LRIG1: variants seen among roughly 807,000 people sequenced by gnomAD.
LRIG1 encodes the protein leucine rich repeats and immunoglobulin like domains 1.
LRIG1 carries 48 observed loss-of-function variants against 99.2 expected under a neutral mutation model. The observed-to-expected ratio is 0.48, with a 90% confidence interval of 0.38 to 0.62. The LOEUF (loss-of-function observed/expected upper bound fraction) is 0.62, where lower values mean the gene tolerates loss of function less well. Among genes scored for constraint, LRIG1 ranks in the 20% least tolerant of loss-of-function variants. LRIG1 has a pLI of 0.00. For synonymous variants in LRIG1, 772 were observed against 596.1 expected (o/e 1.29, Z -4.30); for missense variants, 1,646 against 1,434.4 (o/e 1.15, Z -2.38).
In LRIG1 at chr3:66,438,026, T is replaced by C. The variant is rs533605990; in HGVS notation, c.365+13533A>G. Among the ~76,000 whole-genome samples the C allele has an allele frequency of 2.0e-5, 3 of 152,312 alleles. No individual in the cohort carries two copies. The East Asian group carries it at 5.8e-4, about 29-fold the overall frequency. On this transcript the variant is annotated intron_variant, in intron 3 of 18. Coordinates refer to ENST00000273261, the MANE Select transcript of LRIG1 (RefSeq NM_015541.3). The stretch of plus-strand genomic sequence containing the variant: ...AAGCCACGAAGGGACCCTTCATTCA[T>C]GTCTTCGTCAAATATTGATGAAGGT...
chr3:66,410,905 C>T (rs755285525), intron 6 of LRIG1, among the ~76,000 whole-genome samples: 8 of 152,226 alleles, frequency 5.3e-5, no homozygotes, highest in Non-Finnish European at 1.2e-4. Flanking sequence ...CCTGGGTCTG[C>T]CTACCAAAGG....
At chr3:66,387,831 C>G (rs911311370) in intron 12 of LRIG1, 1 of 151,814 alleles carries the variant, frequency 6.6e-6, no homozygotes, top group African/African-American at 2.4e-5. Flanking sequence ...GGTGGGGTGG[C>G]TCACGCCTAT....
chr3:66,398,974 G>A lies in LRIG1; in HGVS notation c.1228C>T (p.His410Tyr), dbSNP rs1701956275. 3.7e-6 allele frequency: 6 copies of A among 1,614,032 alleles called. No individual in the cohort carries two copies. Among genetic ancestry groups the A allele is most frequent in the Non-Finnish European group, 5.1e-6 (6 of 1,179,860 alleles). ...RAFSGLEGLE[H>Y]LNLGGNAIRS... ...CAGGGCTGGTGAGATACTCACAGGT[G>A]CTCCAGGCCTTCCAGCCCCGAGAAT... The change falls in exon 10 of 19, where the codon CAC becomes TAC. Residue 410 changes from histidine (H) to tyrosine (Y), a missense_variant. Physicochemically the swap from His to Tyr is moderately conservative, Grantham distance 83. Transcript: ENST00000273261.
At chr3:66,406,653 A>C (rs781145575) in intron 8 of LRIG1, among the ~76,000 whole-genome samples, 3 of 152,224 alleles carry the variant, frequency 2.0e-5, no homozygotes, top group Non-Finnish European at 4.4e-5. Flanking sequence ...TTATGCTGAC[A>C]GCTGCTTGGA....
chr3:66,436,454 T>C (rs1027354140), intron 3 of LRIG1, among the ~76,000 whole-genome samples: 21 of 152,322 alleles, frequency 1.4e-4, no homozygotes, highest in African/African-American at 4.6e-4. Context: ...CTTTGGCATT[T>C]GCTAAACTTA....
At position 66,381,503 on chromosome 3, in the gene LRIG1, C is replaced by T. The variant is rs1230517678; in HGVS notation, c.2746G>A (p.Gly916Arg). The T allele has an allele frequency of 5.6e-6, 9 of 1,613,780 alleles. No individual in the cohort carries two copies. The Admixed American group carries it at 1.3e-4, about 24-fold the overall frequency. The change falls in exon 17 of 19, where the codon GGG becomes AGG. Residue 916 changes from glycine (G) to arginine (R), a missense_variant. Gly to Arg is a moderately radical substitution (Grantham distance 125). Transcript: ENST00000273261. ...EPWKAMEKAE[G>R]TPGPHKMEHG... ...CCCATCTTATGTGGCCCAGGTGTCC[C>T]TTCAGCTTTCTCCATCGCTTTCCAC... is the stretch of plus-strand genomic sequence containing the variant.
rs762925882 is a variant in LRIG1, at chr3:66,500,373, G to A, written c.35C>T (p.Pro12Leu). 28 of 1,477,656 alleles carry A rather than the reference G, an allele frequency of 1.9e-5. No individual in the cohort carries two copies. The highest frequency in any genetic ancestry group is 2.4e-5 in the Non-Finnish European group (27 of 1,119,916). 91.5% of individuals were successfully genotyped at this position (1,477,656 alleles called of 1,614,324 possible). A position where few individuals can be genotyped will look rare whatever the true frequency, so the allele number is the denominator to read the frequency against. ...AAGGAGAAGGCAAGGCGAGCGGCGCGGGGCCCCGAGCCCTCCCCGGACCGG... is the reference window on the plus strand; with the variant it reads ...AAGGAGAAGGCAAGGCGAGCGGCGCAGGGCCCCGAGCCCTCCCCGGACCGG... ...ARPVRGGLGA[P>L]RRSPCLLLLW... The change falls in exon 1 of 19, where the codon CCG (proline) becomes CTG (leucine). Residue 12 changes from proline to leucine, a missense_variant. Transcript: ENST00000273261.
At chr3:66,390,360 G>C (rs563054398) in intron 12 of LRIG1, among the ~76,000 whole-genome samples, 2 of 152,196 alleles carry the variant, frequency 1.3e-5, no homozygotes, top group East Asian at 1.9e-4. Flanking sequence ...TGAAATTAAG[G>C]ATTTCATTTA....
chr3:66,405,114 G>C, intron 9 of LRIG1, 84 bp downstream of exon 9: 1 of 1,219,058 alleles, frequency 8.2e-7, no homozygotes. Context: ...AGAGCAGAGA[G>C]GCGCGGGGGG....
At chr3:66,401,738 C>A (rs1001766520) in intron 9 of LRIG1, 1 of 1,244,742 alleles carries the variant, frequency 8.0e-7, no homozygotes, top group Non-Finnish European at 1.1e-6. Flanking sequence ...TATTTCTGTA[C>A]CACAGCCGGG....
intron 9 of LRIG1, among the ~76,000 whole-genome samples, chr3:66,400,832 G>A (rs1026519580): frequency 3.9e-5 from 6 of 152,176 alleles, no homozygotes. Context: ...GACTGCAACA[G>A]GCCTCCTGGG....
intron 9 of LRIG1, chr3:66,404,119 T>C: frequency 1.1e-5 from 6 of 555,538 alleles, no homozygotes; most frequent in South Asian, 9.7e-5. Flanking sequence ...AAGTACCTTC[T>C]TCAGACAGCC....
chr3:66,392,915 A>G (rs574178618), intron 12 of LRIG1, among the ~76,000 whole-genome samples: 10 of 152,352 alleles, frequency 6.6e-5, no homozygotes, highest in Non-Finnish European at 2.9e-5. Flanking sequence ...TTCCACACAG[A>G]AGGCTCCATA....
chr3:66,392,602 A>AG lies in LRIG1; in HGVS notation c.1468+1437dup, dbSNP rs566542262. 6.6e-3 allele frequency among the ~76,000 whole-genome samples: 890 copies of AG among 135,358 alleles called. 1 individual carries two copies. The highest frequency in any genetic ancestry group is 0.015 in the Middle Eastern group (4 of 266). 88.8% of individuals were successfully genotyped at this position (135,358 alleles called of 152,430 possible). On this transcript the variant is annotated intron_variant, in intron 12 of 18. Coordinates refer to ENST00000273261, the MANE Select transcript of LRIG1 (RefSeq NM_015541.3). ...TCCCATTAACACCTGACGTTTTTAG[A>AG]GGGGGGGAAGCTTGAGCTAAAATGT...
At chr3:66,469,331 C>T (rs912066750) in intron 1 of LRIG1, 10 of 152,130 alleles carry the variant, frequency 6.6e-5, no homozygotes, top group African/African-American at 2.4e-4. Flanking sequence ...CAGTTATTTC[C>T]ATTTCTGAAA....
intron 11 of LRIG1, among the ~76,000 whole-genome samples, chr3:66,395,404 A>G (rs1457660893): frequency 6.6e-6 from 1 of 152,228 alleles, no homozygotes; most frequent in African/African-American, 2.4e-5. Flanking sequence ...ACAGCAAGGA[A>G]GAATGAAGTG....
chr3:66,470,166 A>G (rs78436889), intron 1 of LRIG1, among the ~76,000 whole-genome samples: 18 of 152,272 alleles, frequency 1.2e-4, no homozygotes, highest in Non-Finnish European at 2.5e-4. Flanking sequence ...AACTACATGC[A>G]TTTACCAAGC....
At chr3:66,472,703 T>C (rs923227795) in intron 1 of LRIG1, among the ~76,000 whole-genome samples, 1 of 152,188 alleles carries the variant, frequency 6.6e-6, no homozygotes, top group Non-Finnish European at 1.5e-5. Flanking sequence ...GAAAATTCTA[T>C]AGCAGTGACT....
intron 1 of LRIG1, among the ~76,000 whole-genome samples, chr3:66,479,727 C>A (rs1700804592): frequency 6.6e-6 from 1 of 152,178 alleles, no homozygotes; most frequent in Admixed American, 6.5e-5. Flanking sequence ...AAATGCAAAT[C>A]AAAACCACAA....
Sources: allele counts gnomAD v4.1 joint callset (sites outside exome capture counted in the v4.1 genomes callset), GRCh38; gene constraint gnomAD v4.1.1; transcripts MANE v1.5; gene names NCBI Gene and HGNC (gene_info 2026-07-23, HGNC 2026-07-21).